Variants in ANK1 observed in about 807,000 individuals in gnomAD.
The protein encoded by ANK1 is ankyrin 1.
Under a neutral mutation model 210.4 loss-of-function variants are expected in ANK1, and 51 were observed. That is an observed-to-expected ratio of 0.24 (90% CI 0.19 to 0.31). ANK1 has a LOEUF of 0.31. Among genes scored for constraint, ANK1 ranks in the 10% least tolerant of loss-of-function variants. The probability of loss-of-function intolerance (pLI) is 1.00; values close to 1 mark genes in which losing one functional copy is unlikely to be tolerated. For synonymous variants in ANK1, 967 were observed against 1,025.9 expected, an observed-to-expected ratio of 0.94 and a Z score of 1.10; for missense variants, 2,051 against 2,504.4, an observed-to-expected ratio of 0.82 and a Z score of 3.86.
At chr8:41,888,424 T>G (rs754497693) in intron 1 of ANK1, among the ~76,000 whole-genome samples, 1 of 152,200 alleles carries the variant, frequency 6.6e-6, no homozygotes, top group Non-Finnish European at 1.5e-5. Flanking sequence ...GACAGAACCA[T>G]GGGGATGCAA....
intron 16 of ANK1, among the ~76,000 whole-genome samples, chr8:41,710,236 A>G (rs1365166082): frequency 6.6e-6 from 1 of 151,822 alleles, no homozygotes; most frequent in East Asian, 1.9e-4. Flanking sequence ...TTTCACCTGC[A>G]TTTTTTTTGC....
At position 41,695,070 on chromosome 8, in the gene ANK1, T is replaced by C. The variant is rs541013873; in HGVS notation, c.3115+107A>G. 79 of 1,483,536 alleles carry C rather than the reference T, an allele frequency of 5.3e-5. 2 individuals carry two copies. The East Asian group carries it at 1.4e-3, about 26-fold the overall frequency. 91.9% of individuals were successfully genotyped at this position (1,483,536 alleles called of 1,614,324 possible). A position where few individuals can be genotyped will look rare whatever the true frequency, so the allele number is the denominator to read the frequency against. ...TCCACACCAGGCCATTCTCAGCCTCTTGGGGCTTCCCAAACTTCAGGTGGC... is the reference window on the plus strand; with the variant it reads ...TCCACACCAGGCCATTCTCAGCCTCCTGGGGCTTCCCAAACTTCAGGTGGC... On this transcript the variant is annotated intron_variant, in intron 27 of 42. Transcript: ENST00000289734.
At chr8:41,671,429 G>A (rs1563366183) in intron 38 of ANK1, among the ~76,000 whole-genome samples, 1 of 152,114 alleles carries the variant, frequency 6.6e-6, no homozygotes, top group Admixed American at 6.5e-5. Flanking sequence ...AGCTCCGAAC[G>A]CCAGCTCCAG....
At chr8:41,766,136 C>T (rs1841733003) in intron 1 of ANK1, among the ~76,000 whole-genome samples, 1 of 152,242 alleles carries the variant, frequency 6.6e-6, no homozygotes, top group East Asian at 1.9e-4. Flanking sequence ...TTTAACGCAG[C>T]CACTGTCAGA....
chr8:41,660,982 T>C, intron 42 of ANK1: 1 of 278,362 alleles, frequency 3.6e-6, no homozygotes, highest in Non-Finnish European at 7.0e-6. Flanking sequence ...CAAGATAATA[T>C]TACCACTTAG....
At chr8:41,864,866 A>G (rs554024975) in intron 1 of ANK1, among the ~76,000 whole-genome samples, 1 of 152,350 alleles carries the variant, frequency 6.6e-6, no homozygotes, top group Non-Finnish European at 1.5e-5. Flanking sequence ...ATGTTTAGAA[A>G]GCATATCTTC....
rs1014376986 is a variant in ANK1 at position 41,749,748 on chromosome 8, G to C, written c.129+8288C>G. On this transcript the variant is annotated intron_variant, in intron 2 of 42. Coordinates refer to ENST00000289734, the MANE Select transcript of ANK1 (RefSeq NM_000037.4). ...TTGCCTCAGCCTCCTGAGTAGCTGG[G>C]ATTACAGGCATGCGCCACAACGCTT... 1.8e-4 allele frequency among the ~76,000 whole-genome samples: 27 copies of C among 152,038 alleles called. 1 individual carries two copies. The highest frequency in any genetic ancestry group is 1.6e-3 in the Admixed American group (25 of 15,268).
intron 2 of ANK1, 28 bp from the exon 3 acceptor site, chr8:41,734,097 C>G (rs1311623677): frequency 6.3e-7 from 1 of 1,591,322 alleles, no homozygotes; most frequent in East Asian, 2.2e-5. Context: ...GCGGGAAGGG[C>G]ATGGTTAGTC....
intron 2 of ANK1, among the ~76,000 whole-genome samples, chr8:41,751,750 C>A (rs562172422): frequency 6.6e-6 from 1 of 152,274 alleles, no homozygotes; most frequent in Admixed American, 6.5e-5. Flanking sequence ...CCAGTCTTGC[C>A]GCTCTTGTCC....
chr8:41,723,084 C>T lies in ANK1; in HGVS notation c.909+41G>A, dbSNP rs183560775. On this transcript the variant is annotated intron_variant, in intron 9 of 42. Transcript: ENST00000289734. Reference sequence around the variant, plus strand: ...GATGCCAGGTCTGTTGGACCTGGAGCCCTGTCTAGAAAATGCGCCTGACAG... The same window carrying T: ...GATGCCAGGTCTGTTGGACCTGGAGTCCTGTCTAGAAAATGCGCCTGACAG... 105 of 1,571,554 alleles carry T rather than the reference C, an allele frequency of 6.7e-5. 1 individual carries two copies. In the Middle Eastern group the frequency reaches 1.0e-3, roughly 15 times the overall value.
chr8:41,890,262 C>T (rs1448593838), intron 1 of ANK1, among the ~76,000 whole-genome samples: 1 of 152,206 alleles, frequency 6.6e-6, no homozygotes, highest in Non-Finnish European at 1.5e-5. Flanking sequence ...CTTGTTCATG[C>T]ACACGTAGCT....
chr8:41,848,915 A>G (rs934459054), intron 1 of ANK1, among the ~76,000 whole-genome samples: 4 of 152,172 alleles, frequency 2.6e-5, no homozygotes, highest in East Asian at 1.9e-4. Context: ...GGCCAGACCC[A>G]GTCTCCAGGC....
At chr8:41,716,433 C>T (rs1375268602) in intron 13 of ANK1, among the ~76,000 whole-genome samples, 2 of 152,076 alleles carry the variant, frequency 1.3e-5, no homozygotes, top group African/African-American at 4.8e-5. Context: ...AGGCTTCCCT[C>T]GAGGGCCCCA....
At chr8:41,794,572 C>A (rs553596221) in intron 1 of ANK1, among the ~76,000 whole-genome samples, 8 of 152,354 alleles carry the variant, frequency 5.3e-5, no homozygotes, top group Non-Finnish European at 1.2e-4. Context: ...AGCCTGTTTC[C>A]TTCCCCTGCT....
intron 1 of ANK1, among the ~76,000 whole-genome samples, chr8:41,892,059 C>T (rs1020650258): frequency 6.6e-6 from 1 of 152,154 alleles, no homozygotes; most frequent in Non-Finnish European, 1.5e-5. Flanking sequence ...TTTACAAAAC[C>T]TTTTGGAGAT....
chr8:41,741,065 G>A (rs973473742), intron 2 of ANK1, among the ~76,000 whole-genome samples: 1 of 152,216 alleles, frequency 6.6e-6, no homozygotes, highest in Non-Finnish European at 1.5e-5. Context: ...TTACAGATGG[G>A]TGGGGCTTCC....
chr8:41,849,948 C>G (rs1810908936), intron 1 of ANK1, among the ~76,000 whole-genome samples: 3 of 152,060 alleles, frequency 2.0e-5, no homozygotes, highest in Non-Finnish European at 4.4e-5. Flanking sequence ...ACAGGGATCC[C>G]CACAAACCTT....
chr8:41,727,666 A>C (rs1429142697), intron 4 of ANK1, among the ~76,000 whole-genome samples: 1 of 152,246 alleles, frequency 6.6e-6, no homozygotes, highest in African/African-American at 2.4e-5. Flanking sequence ...ACAACTGGAC[A>C]TACTATTTGG....
At chr8:41,852,509 G>A (rs1811446149) in intron 1 of ANK1, among the ~76,000 whole-genome samples, 1 of 152,224 alleles carries the variant, frequency 6.6e-6, no homozygotes, top group South Asian at 2.1e-4. Flanking sequence ...CAGAGGAAGA[G>A]GCTGGGAGAG....
Sources: gnomAD v4.1 joint callset for allele counts (sites outside exome capture counted in the v4.1 genomes callset) on GRCh38, gnomAD v4.1.1 for gene constraint, MANE v1.5 for transcripts, NCBI Gene and HGNC (gene_info 2026-07-23, HGNC 2026-07-21) for gene names.